The following CBX7 variants were observed in gnomAD, a reference collection of about 807,000 sequenced individuals.
The protein encoded by CBX7 is chromobox protein homolog 7.
A neutral mutation model predicts 31.4 loss-of-function variants in CBX7; 14 were observed. That is an observed-to-expected ratio of 0.45 (90% CI 0.29 to 0.70). The LOEUF (loss-of-function observed/expected upper bound fraction) is 0.70. Among genes scored for constraint, CBX7 ranks in the 30% least tolerant of loss-of-function variants. The pLI is 0.11. For missense variants in CBX7, 269 were observed against 351.9 expected (o/e 0.76, Z 1.89); for synonymous variants, 159 against 152.6 (o/e 1.04, Z -0.31).
intron 4 of CBX7, among the ~76,000 whole-genome samples, chr22:39,137,836 T>G (rs1011039339): frequency 6.6e-6 from 1 of 152,130 alleles, no homozygotes; most frequent in Non-Finnish European, 1.5e-5. Context: ...CACTCAAAAA[T>G]GACACACTTC....
Position 39,152,537 on chromosome 22 carries a change from G to T in CBX7, c.-93C>A, listed in dbSNP as rs1930901961. ...CGGCGCGCGATGCTGGGGCTGGCGG[G>T]GTCCCCGTCACCCTCGTCCGGGCGC... On this transcript the variant is annotated 5_prime_UTR_variant, in exon 1 of 6. Coordinates refer to ENST00000216133, the MANE Select transcript of CBX7 (RefSeq NM_175709.5). This position sits in a 1 kb window ranked among gnomAD's most constrained non-coding sequence, Gnocchi z 4.9. 2 of 500,136 alleles carry T rather than the reference G, an allele frequency of 4.0e-6. No individual in the cohort carries two copies. The highest frequency in any genetic ancestry group is 5.2e-6 in the Non-Finnish European group (2 of 387,436). 31.0% of individuals were successfully genotyped at this position (500,136 alleles called of 1,614,324 possible).
At chr22:39,138,177 C>T (rs1004818629) in intron 4 of CBX7, among the ~76,000 whole-genome samples, 7 of 141,676 alleles carry the variant, frequency 4.9e-5, no homozygotes, top group Admixed American at 2.1e-4. Context: ...AGCGAGACTC[C>T]GTCTCAAAAA....
intron 3 of CBX7, among the ~76,000 whole-genome samples, chr22:39,140,458 G>C (rs898205082): frequency 7.2e-5 from 11 of 152,224 alleles, no homozygotes; most frequent in Non-Finnish European, 1.5e-4. Context: ...TTTGTCTTTT[G>C]AATCCATGGC....
intron 4 of CBX7, among the ~76,000 whole-genome samples, chr22:39,137,440 C>T (rs374816335): frequency 3.9e-5 from 6 of 152,086 alleles, no homozygotes; most frequent in Non-Finnish European, 8.8e-5. Context: ...CCTCCACCTC[C>T]CGGGCTCAAG....
chr22:39,146,659 T>C (rs765159754), intron 2 of CBX7, among the ~76,000 whole-genome samples: 6 of 152,238 alleles, frequency 3.9e-5, no homozygotes, highest in Non-Finnish European at 5.9e-5. Context: ...GCTGTAGGCT[T>C]CTGTCTCTCC....
rs190748186 is a variant in CBX7, at chr22:39,137,997, C to T, written c.246+639G>A. 1.5e-3 allele frequency among the ~76,000 whole-genome samples: 231 copies of T among 152,086 alleles called. 1 individual carries two copies. The highest frequency in any genetic ancestry group is 6.8e-3 in the Middle Eastern group (2 of 294). On this transcript the variant is annotated intron_variant, in intron 4 of 5. Coordinates refer to ENST00000216133, the MANE Select transcript of CBX7 (RefSeq NM_175709.5). ...GAGATCGAGACCATCCTGGCCAACA[C>T]GGTGAAACCCCGTCTCTGCTAAAAA...
intron 4 of CBX7, 106 bp from the exon 5 acceptor site, chr22:39,134,858 T>A: frequency 2.9e-6 from 2 of 699,580 alleles, no homozygotes; most frequent in African/African-American, 2.0e-5. Flanking sequence ...ATGCCATGTC[T>A]ACCCACTCAA....
At chr22:39,138,865 G>A (rs376178147) in intron 3 of CBX7, among the ~76,000 whole-genome samples, 163 bp from the exon 4 acceptor site, 6 of 152,186 alleles carry the variant, frequency 3.9e-5, no homozygotes, top group African/African-American at 9.7e-5. Context: ...CCATAACAAC[G>A]GGGTCAGATG....
Position 39,133,823 on chromosome 22 carries a change from A to G in CBX7, c.*68T>C. The G allele has an allele frequency of 7.2e-7, 1 of 1,387,280 alleles. No individual in the cohort carries two copies. The highest frequency in any genetic ancestry group is 9.8e-7 in the Non-Finnish European group (1 of 1,024,582). 85.9% of individuals were successfully genotyped at this position (1,387,280 alleles called of 1,614,324 possible). On this transcript the variant is annotated 3_prime_UTR_variant, in exon 6 of 6. Coordinates refer to ENST00000216133, the MANE Select transcript of CBX7 (RefSeq NM_175709.5). ...AAAATAATTACCCCGCCCCCAACCC[A>G]TCCCTATCTCTGGAAGTCCCACCCC...
At chr22:39,142,463 C>T (rs1355530298) in intron 2 of CBX7, among the ~76,000 whole-genome samples, 2 of 152,150 alleles carry the variant, frequency 1.3e-5, no homozygotes, top group East Asian at 1.9e-4. Context: ...CGCAGGCCCC[C>T]GGGTAATGCT....
chr22:39,146,960 C>T (rs1356213763), intron 2 of CBX7, among the ~76,000 whole-genome samples: 1 of 152,132 alleles, frequency 6.6e-6, no homozygotes, highest in Non-Finnish European at 1.5e-5. Flanking sequence ...CCCCGAGCCC[C>T]TCCCTGTGCC....
intron 2 of CBX7, among the ~76,000 whole-genome samples, chr22:39,145,874 G>T (rs1251607800): frequency 6.6e-6 from 1 of 151,886 alleles, no homozygotes; most frequent in Non-Finnish European, 1.5e-5. Flanking sequence ...CTGCGGTGAG[G>T]GCACGCAGTG....
At chr22:39,142,494 G>A (rs894708378) in intron 2 of CBX7, among the ~76,000 whole-genome samples, 3 of 152,100 alleles carry the variant, frequency 2.0e-5, no homozygotes, top group African/African-American at 4.8e-5. Flanking sequence ...TTCTACCCTC[G>A]CCACCCAGCC....
chr22:39,135,597 G>A (rs911946252), intron 4 of CBX7: 10 of 152,266 alleles, frequency 6.6e-5, no homozygotes, highest in Non-Finnish European at 8.8e-5. Context: ...CCAAGCTGAG[G>A]GAAGGGATGA....
intron 2 of CBX7, among the ~76,000 whole-genome samples, chr22:39,142,041 C>G (rs1236179334): frequency 2.6e-5 from 4 of 152,184 alleles, no homozygotes; most frequent in Non-Finnish European, 5.9e-5. Context: ...AAGCCCCACA[C>G]CAGGCAAGAG....
At chr22:39,150,505 A>G (rs1387606420) in intron 1 of CBX7, among the ~76,000 whole-genome samples, 1 of 152,206 alleles carries the variant, frequency 6.6e-6, no homozygotes, top group Non-Finnish European at 1.5e-5. Flanking sequence ...ACGGTGGCTC[A>G]AGCCTGTCAT....
At position 39,132,669 on chromosome 22, in the gene CBX7, T is replaced by G. The variant is rs1223973886; in HGVS notation, c.*1222A>C. The stretch of plus-strand genomic sequence containing the variant: ...CCCCAGCTGTGGCATTTAGGTTGGA[T>G]GGGGAGGGGATGCAGAATGGAAGGA... On this transcript the variant is annotated 3_prime_UTR_variant, in exon 6 of 6. Coordinates refer to ENST00000216133, the MANE Select transcript of CBX7 (RefSeq NM_175709.5). 1 of 152,634 alleles carries G rather than the reference T, an allele frequency of 6.6e-6. No homozygotes were observed. Among genetic ancestry groups the G allele is most frequent in the Non-Finnish European group, 1.5e-5 (1 of 68,264 alleles). The allele number at this position is 152,634 out of a possible 1,614,324, so 9.5% of individuals were successfully genotyped here.
intron 5 of CBX7, 161 bp downstream of exon 5, chr22:39,134,240 G>A (rs993817725): frequency 2.1e-5 from 18 of 849,456 alleles, no homozygotes; most frequent in African/African-American, 5.1e-5. Flanking sequence ...CAGCCAGAGC[G>A]GGACGACAGG....
intron 1 of CBX7, among the ~76,000 whole-genome samples, chr22:39,151,878 T>G (rs1930868501): frequency 1.6e-5 from 1 of 60,770 alleles, no homozygotes; most frequent in Admixed American, 1.6e-4. Flanking sequence ...AGGGATGTGC[T>G]CGGGTGGCGT....
Sources: gnomAD v4.1 joint callset for allele counts (sites outside exome capture counted in the v4.1 genomes callset) on GRCh38, gnomAD v4.1.1 for gene constraint, Gnocchi (gnomAD v3.1) non-coding constraint, MANE v1.5 for transcripts, NCBI Gene and HGNC (gene_info 2026-07-23, HGNC 2026-07-21) for gene names.